ATP8B1: variants seen among roughly 807,000 people sequenced by gnomAD.
ATP8B1 encodes the protein phospholipid-transporting ATPase IC.
A neutral mutation model predicts 149.9 loss-of-function variants in ATP8B1; 80 were observed. The observed-to-expected ratio is 0.53, with a 90% CI of 0.45 to 0.64. The LOEUF (loss-of-function observed/expected upper bound fraction) is 0.64, where lower values mean the gene tolerates loss of function less well. Among genes scored for constraint, ATP8B1 ranks in the 30% least tolerant of loss-of-function variants. ATP8B1 has a pLI of 0.00. For synonymous variants in ATP8B1, 536 were observed against 562.8 expected (o/e 0.95, Z 0.67); for missense variants, 1,247 against 1,552.6 (o/e 0.80, Z 3.31).
intron 9 of ATP8B1, 50 bp from the exon 10 acceptor site, chr18:57,695,379 T>C: frequency 6.3e-7 from 1 of 1,591,186 alleles, no homozygotes; most frequent in Non-Finnish European, 8.6e-7. Context: ...AAAGTCTTTC[T>C]GGTTTTAATC....
At position 57,762,476 on chromosome 18, in the gene ATP8B1, C is replaced by T. The variant is rs114710747; in HGVS notation, c.-25-30644G>A. Among the ~76,000 whole-genome samples, 1,255 of 152,210 alleles carry T rather than the reference C, an allele frequency of 8.2e-3. 22 individuals carry two copies. Among genetic ancestry groups the T allele is most frequent in the African/African-American group, 0.026 (1,063 of 41,534 alleles). ...TATTGTAACTAAAGTCCCTAGTTTA[C>T]ATGAAGTCCACAGTTCACTAGGGTT... On this transcript the variant is annotated intron_variant, in intron 1 of 27. Transcript: ENST00000648908.
Position 57,661,325 on chromosome 18 carries a change from GT to G in ATP8B1, c.2555del (p.Asn852ThrfsTer29). On this transcript the variant is annotated frameshift_variant, in exon 22 of 28. Transcript: ENST00000648908. LOFTEE classifies it high-confidence loss of function. ...LEAKKEQRQK[N>X]FVDLACECSA... Reference sequence around the variant, plus strand: ...TGCACTCGCAGGCCAGGTCCACAAAGTTTTTCTGCCGCTGCTCTTTCTTAGC... The same window carrying G: ...TGCACTCGCAGGCCAGGTCCACAAAGTTTTCTGCCGCTGCTCTTTCTTAGC... 1 of 1,613,956 alleles carries G rather than the reference GT, an allele frequency of 6.2e-7. No individual in the cohort carries two copies. The highest frequency in any genetic ancestry group is 8.5e-7 in the Non-Finnish European group (1 of 1,180,008).
chr18:57,750,067 TC>T (rs1313736115), intron 1 of ATP8B1, among the ~76,000 whole-genome samples: 12 of 151,832 alleles, frequency 7.9e-5, no homozygotes, highest in Admixed American at 7.9e-4. Context: ...ACATCATGAA[TC>T]CCCGTCTCTA....
chr18:57,754,591 AC>A (rs1161374072), intron 1 of ATP8B1, among the ~76,000 whole-genome samples: 1 of 152,130 alleles, frequency 6.6e-6, no homozygotes, highest in Non-Finnish European at 1.5e-5. Context: ...ATAGGGCTTG[AC>A]CCAAAGGAAG....
intron 22 of ATP8B1, among the ~76,000 whole-genome samples, chr18:57,656,762 T>G (rs1466016700): frequency 4.2e-5 from 4 of 94,552 alleles, no homozygotes; most frequent in East Asian, 3.1e-4. Context: ...AGGGAGAGAA[T>G]GGAGGGAGAG....
intron 16 of ATP8B1, among the ~76,000 whole-genome samples, chr18:57,674,383 T>C (rs942973990): frequency 3.3e-5 from 1 of 30,272 alleles, no homozygotes; most frequent in African/African-American, 9.4e-5. Context: ...ACAATACCAG[T>C]TTCTTTTTTT....
At chr18:57,747,019 A>G (rs560970915) in intron 1 of ATP8B1, among the ~76,000 whole-genome samples, 1 of 152,212 alleles carries the variant, frequency 6.6e-6, no homozygotes, top group Admixed American at 6.5e-5. Flanking sequence ...GGTGAGCTGC[A>G]TGAAATGTAG....
chr18:57,747,314 G>A (rs966351250), intron 1 of ATP8B1, among the ~76,000 whole-genome samples: 1 of 152,230 alleles, frequency 6.6e-6, no homozygotes, highest in East Asian at 1.9e-4. Flanking sequence ...TTAGCCAGGC[G>A]TGGTGGCAGG....
At chr18:57,788,779 G>C (rs1488245011) in intron 1 of ATP8B1, among the ~76,000 whole-genome samples, 2 of 152,086 alleles carry the variant, frequency 1.3e-5, no homozygotes, top group African/African-American at 4.8e-5. Context: ...GTAAAGAATT[G>C]CTATTATTAG....
At chr18:57,701,138 C>T in intron 5 of ATP8B1, 38 bp from the exon 6 acceptor site, 1 of 1,612,766 alleles carries the variant, frequency 6.2e-7, no homozygotes, top group Non-Finnish European at 8.5e-7. Flanking sequence ...TTTTAAACAT[C>T]TCAATAGAGA....
At position 57,674,862 on chromosome 18, in the gene ATP8B1, G is replaced by A; in HGVS notation, c.1791C>T (p.Asn597=). 5 of 1,614,182 alleles carry A rather than the reference G, an allele frequency of 3.1e-6. No homozygotes were observed. The highest frequency in any genetic ancestry group is 4.2e-6 in the Non-Finnish European group (5 of 1,180,004). Residue 597 remains asparagine, a synonymous_variant, in exon 16 of 28, where the codon AAC becomes AAT. Transcript: ENST00000648908. The stretch of plus-strand genomic sequence containing the variant: ...TGATAGACATTCGCTTCCGGTCACT[G>A]TTGAAGTCCAAAATGGCAAGAACAT... ...TYNVLAILDF[N]SDRKRMSIIV...
At chr18:57,770,827 G>C (rs1009811879) in intron 1 of ATP8B1, among the ~76,000 whole-genome samples, 6 of 152,246 alleles carry the variant, frequency 3.9e-5, no homozygotes, top group African/African-American at 1.4e-4. Context: ...TCAGATACGA[G>C]TTAAAGTCAC....
chr18:57,709,254 C>T (rs1434618222), intron 2 of ATP8B1, among the ~76,000 whole-genome samples: 1 of 152,146 alleles, frequency 6.6e-6, no homozygotes, highest in African/African-American at 2.4e-5. Context: ...AAACAGAGCT[C>T]CATGGACAGA....
chr18:57,661,112 C>T, intron 22 of ATP8B1, 62 bp downstream of exon 22: 1 of 1,593,032 alleles, frequency 6.3e-7, no homozygotes, highest in South Asian at 1.1e-5. Context: ...ACCCCCTACA[C>T]ATTCCAGCCA....
At chr18:57,745,171 C>T (rs897007981) in intron 1 of ATP8B1, among the ~76,000 whole-genome samples, 6 of 152,296 alleles carry the variant, frequency 3.9e-5, no homozygotes, top group South Asian at 2.1e-4. Flanking sequence ...CTGATGGCCA[C>T]GCTTTATGTA....
At chr18:57,788,946 C>T (rs2080435833) in intron 1 of ATP8B1, among the ~76,000 whole-genome samples, 1 of 152,102 alleles carries the variant, frequency 6.6e-6, no homozygotes, top group South Asian at 2.1e-4. Flanking sequence ...ATAAATCCTC[C>T]TTCCACTCCC....
chr18:57,740,595 A>C (rs1201397374), intron 1 of ATP8B1: 1 of 89,918 alleles, frequency 1.1e-5, no homozygotes, highest in Non-Finnish European at 2.1e-5. Flanking sequence ...TTGGTTGTTG[A>C]TTCAAGTTCT....
rs768553581 is a variant in ATP8B1, at chr18:57,784,310, G to A, written c.-26+18688C>T. ...AAACCACAGCATGAGCTACTGCAAG[G>A]GTTGGCAGGATCTGAGTGGGTGCTC... On this transcript the variant is annotated intron_variant, in intron 1 of 27. Transcript: ENST00000648908. This position sits in a 1 kb window ranked among gnomAD's most constrained non-coding sequence, Gnocchi z 4.4. Among the ~76,000 whole-genome samples, 1 of 152,166 alleles carries A rather than the reference G, an allele frequency of 6.6e-6. No individual in the cohort carries two copies. The highest frequency in any genetic ancestry group is 2.4e-5 in the African/African-American group (1 of 41,430).
chr18:57,720,839 C>T (rs886436122), intron 2 of ATP8B1, among the ~76,000 whole-genome samples: 4 of 151,698 alleles, frequency 2.6e-5, no homozygotes, highest in Non-Finnish European at 2.9e-5. Context: ...TTAAGGGCAC[C>T]CAGAGAGAAA....
Sources: allele counts gnomAD v4.1 joint callset (sites outside exome capture counted in the v4.1 genomes callset), GRCh38; gene constraint gnomAD v4.1.1; non-coding constraint Gnocchi (gnomAD v3.1); transcripts MANE v1.5; gene names NCBI Gene and HGNC (gene_info 2026-07-23, HGNC 2026-07-21).